FHIT: variants seen among roughly 807,000 people sequenced by gnomAD.
FHIT encodes the protein bis(5'-adenosyl)-triphosphatase.
Under a neutral mutation model 17.9 loss-of-function variants are expected in FHIT, and 19 were observed. That is an observed-to-expected ratio of 1.06 (90% CI 0.74 to 1.56). FHIT has a LOEUF of 1.56. Ranked by LOEUF, FHIT falls within the 40% of genes most tolerant of loss-of-function variation. The probability of loss-of-function intolerance (pLI) is 0.00; values close to 1 mark genes in which losing one functional copy is unlikely to be tolerated. For synonymous variants in FHIT, 81 were observed against 69.7 expected, an observed-to-expected ratio of 1.16 and a Z score of -0.81; for missense variants, 248 against 189.2, an observed-to-expected ratio of 1.31 and a Z score of -1.82.
chr3:60,621,103 G>T (rs71313785), intron 4 of FHIT, among the ~76,000 whole-genome samples: 18 of 149,412 alleles, frequency 1.2e-4, no homozygotes, highest in Non-Finnish European at 2.1e-4. Flanking sequence ...TGGGGCAAAT[G>T]CTCCTCACAG....
At chr3:60,678,344 TA>T (rs1553695942) in intron 4 of FHIT, among the ~76,000 whole-genome samples, 1 of 152,172 alleles carries the variant, frequency 6.6e-6, no homozygotes, top group African/African-American at 2.4e-5. Flanking sequence ...TCACATTTGC[TA>T]AAACTTTTTT....
At chr3:60,611,159 T>C (rs2107732269) in intron 4 of FHIT, among the ~76,000 whole-genome samples, 1 of 152,344 alleles carries the variant, frequency 6.6e-6, no homozygotes, top group African/African-American at 2.4e-5. Flanking sequence ...GATTCATTTA[T>C]TTAACAAATG....
chr3:60,104,079 T>C (rs966051817), intron 5 of FHIT, among the ~76,000 whole-genome samples: 7 of 152,156 alleles, frequency 4.6e-5, no homozygotes, highest in Non-Finnish European at 1.0e-4. Flanking sequence ...GTGAGGAAGG[T>C]AGACTCTTTT....
At chr3:59,893,163 T>C (rs1269914214) in intron 8 of FHIT, among the ~76,000 whole-genome samples, 1 of 152,238 alleles carries the variant, frequency 6.6e-6, no homozygotes, top group Non-Finnish European at 1.5e-5. Flanking sequence ...ACTTGTTTTA[T>C]TTGATGCTTA....
At chr3:60,030,704 A>G (rs556423854) in intron 5 of FHIT, among the ~76,000 whole-genome samples, 2 of 152,240 alleles carry the variant, frequency 1.3e-5, no homozygotes, top group South Asian at 4.2e-4. Context: ...TAAACACTGA[A>G]TTGGTGGGTC....
chr3:60,807,846 A>AAT (rs1553734786), intron 4 of FHIT, among the ~76,000 whole-genome samples: 1 of 151,920 alleles, frequency 6.6e-6, no homozygotes, highest in Non-Finnish European at 1.5e-5. Context: ...TACTAAAAAA[A>AAT]AAATAAAATA....
chr3:60,752,958 T>C (rs2042499571), intron 4 of FHIT, among the ~76,000 whole-genome samples: 1 of 152,212 alleles, frequency 6.6e-6, no homozygotes, highest in Non-Finnish European at 1.5e-5. Flanking sequence ...ATTACATTAC[T>C]TTCGACAGCC....
chr3:60,076,296 G>T (rs978908207), intron 5 of FHIT, among the ~76,000 whole-genome samples: 2 of 152,030 alleles, frequency 1.3e-5, no homozygotes. Context: ...AACATCAAGT[G>T]TCGTAAATAT....
chr3:60,453,828 A>C (rs1032732220), intron 5 of FHIT, among the ~76,000 whole-genome samples: 5 of 152,224 alleles, frequency 3.3e-5, no homozygotes, highest in Admixed American at 3.3e-4. Flanking sequence ...TAAGTGTCAC[A>C]ATAAGCTATA....
intron 5 of FHIT, among the ~76,000 whole-genome samples, chr3:60,059,217 G>A (rs1290478438): frequency 4.6e-5 from 7 of 152,186 alleles, no homozygotes; most frequent in Admixed American, 4.6e-4. Flanking sequence ...CTGGTAATCA[G>A]CAGTTTTCAG....
intron 3 of FHIT, among the ~76,000 whole-genome samples, chr3:60,955,610 A>ATATGTATATATATATATG (rs1559862270): frequency 0.18 from 2,294 of 12,886 alleles, 106 homozygotes; most frequent in South Asian, 0.39. Context: ...ATATATATAT[A>ATATGTATATATATATATG]TATATATATA....
intron 8 of FHIT, among the ~76,000 whole-genome samples, chr3:59,765,419 G>T (rs953221682): frequency 2.0e-5 from 3 of 152,142 alleles, no homozygotes; most frequent in Non-Finnish European, 4.4e-5. Flanking sequence ...TGCTTTCAAG[G>T]CTTCAATGCT....
intron 3 of FHIT, among the ~76,000 whole-genome samples, chr3:60,882,800 A>G (rs1026806244): frequency 4.6e-5 from 7 of 152,100 alleles, no homozygotes; most frequent in Non-Finnish European, 1.0e-4. Context: ...TCTAAGAACT[A>G]GAACAAGACC....
chr3:60,779,172 C>G (rs1700303085), intron 4 of FHIT, among the ~76,000 whole-genome samples: 1 of 152,160 alleles, frequency 6.6e-6, no homozygotes, highest in African/African-American at 2.4e-5. Flanking sequence ...GTCTATTTTG[C>G]AAAGCACTCA....
At chr3:60,092,595 T>A (rs1559624704) in intron 5 of FHIT, among the ~76,000 whole-genome samples, 1 of 151,914 alleles carries the variant, frequency 6.6e-6, no homozygotes, top group African/African-American at 2.4e-5. Context: ...AGACCAAGGG[T>A]AAGTATGGTA....
chr3:60,096,541 G>A (rs1450499512), intron 5 of FHIT, among the ~76,000 whole-genome samples: 3 of 152,120 alleles, frequency 2.0e-5, no homozygotes, highest in African/African-American at 4.8e-5. Flanking sequence ...CTGTTGGTTC[G>A]GAGGTGGGAT....
At chr3:60,940,788 T>C (rs1289175531) in intron 3 of FHIT, among the ~76,000 whole-genome samples, 1 of 152,236 alleles carries the variant, frequency 6.6e-6, no homozygotes, top group Non-Finnish European at 1.5e-5. Flanking sequence ...CTTCACAAAC[T>C]ATTTAGGATG....
chr3:60,417,816 G>C (rs1468144291), intron 5 of FHIT, among the ~76,000 whole-genome samples: 1 of 152,164 alleles, frequency 6.6e-6, no homozygotes, highest in Admixed American at 6.5e-5. Context: ...CTAATTATGT[G>C]TTAAGAGCAT....
chr3:60,852,512 T>A (rs1703193325), intron 3 of FHIT, among the ~76,000 whole-genome samples: 1 of 152,124 alleles, frequency 6.6e-6, no homozygotes, highest in Admixed American at 6.6e-5. Flanking sequence ...GATGAACAAC[T>A]TTCTTCATCA....
Sources: gnomAD v4.1 joint callset for allele counts (sites outside exome capture counted in the v4.1 genomes callset) on GRCh38, gnomAD v4.1.1 for gene constraint, MANE v1.5 for transcripts, NCBI Gene and HGNC (gene_info 2026-07-23, HGNC 2026-07-21) for gene names.